Variants in FAAH2 observed in about 807,000 individuals in gnomAD.
The protein encoded by FAAH2 is fatty acid amide hydrolase 2, also known as fatty-acid amide hydrolase 2.
Under a neutral mutation model 36.9 loss-of-function variants are expected in FAAH2, and 60 were observed. The ratio of observed to expected loss-of-function variants is 1.63; its 90% CI spans 1.32 to 2.02. The LOEUF is 2.02. FAAH2 is among the 30% of genes most tolerant of loss of function. FAAH2 has a pLI of 0.00. For synonymous variants in FAAH2, 214 were observed against 143.8 expected (o/e 1.49, Z -3.49); for missense variants, 689 against 397.5 (o/e 1.73, Z -6.23).
the FAAH2 span, among the ~76,000 whole-genome samples, chrX:57,276,531 A>G: frequency 9.0e-6 from 1 of 111,578 alleles, no homozygotes; most frequent in Non-Finnish European, 1.9e-5. Flanking sequence ...AGCAAGAGCA[A>G]ACAAATTCAA....
chrX:57,283,109 GA>G (rs2051768939), upstream of FAAH2, among the ~76,000 whole-genome samples: 1 of 112,465 alleles, frequency 8.9e-6, no homozygotes, highest in Non-Finnish European at 1.9e-5. Flanking sequence ...CTGGGGATGG[GA>G]AGGGGATTGC....
At chrX:57,321,077 T>C (rs1212102706) in intron 3 of FAAH2, among the ~76,000 whole-genome samples, 1 of 109,947 alleles carries the variant, frequency 9.1e-6, no homozygotes, top group Non-Finnish European at 1.9e-5. Flanking sequence ...GAGGCGGAGT[T>C]TGCAGTGAGC....
intron 7 of FAAH2, among the ~76,000 whole-genome samples, chrX:57,408,345 A>T (rs138848280): frequency 9.0e-6 from 1 of 110,764 alleles, no homozygotes; most frequent in African/African-American, 3.3e-5. Flanking sequence ...AATGTTATAT[A>T]GTTATTAATG....
chrX:57,270,787 T>A, the FAAH2 span, among the ~76,000 whole-genome samples: 1 of 111,352 alleles, frequency 9.0e-6, no homozygotes, highest in Admixed American at 9.6e-5. Flanking sequence ...CCTGAGGAAC[T>A]CCAGCACAGA....
chrX:57,342,223 A>T (rs1168687077), intron 5 of FAAH2, among the ~76,000 whole-genome samples: 2 of 111,728 alleles, frequency 1.8e-5, no homozygotes, highest in Non-Finnish European at 3.8e-5. Flanking sequence ...TTGCAGGGAC[A>T]TAGATGGAAC....
At chrX:57,160,159 G>A in the FAAH2 span, among the ~76,000 whole-genome samples, 1 of 111,747 alleles carries the variant, frequency 8.9e-6, no homozygotes, top group South Asian at 3.8e-4. Flanking sequence ...TTTGTATGTT[G>A]AACCACCCTT....
the FAAH2 span, among the ~76,000 whole-genome samples, chrX:57,235,755 T>A: frequency 8.9e-6 from 1 of 112,560 alleles, no homozygotes; most frequent in Non-Finnish European, 1.9e-5. Context: ...TGCAATACAG[T>A]GTGATGTTTC....
At chrX:57,270,933 CT>C in the FAAH2 span, among the ~76,000 whole-genome samples, 2 of 111,947 alleles carry the variant, frequency 1.8e-5, no homozygotes, top group Non-Finnish European at 3.8e-5. Flanking sequence ...TGCAGGAGCT[CT>C]TTTTTTCCCA....
chrX:57,381,433 A>G (rs1291266227), intron 7 of FAAH2: 8 of 286,740 alleles, frequency 2.8e-5, no homozygotes, highest in Middle Eastern at 2.0e-3. Context: ...ATAATAGCAC[A>G]AATTTGTCTT....
At chrX:57,258,074 C>T in the FAAH2 span, among the ~76,000 whole-genome samples, 1 of 111,610 alleles carries the variant, frequency 9.0e-6, no homozygotes, top group Non-Finnish European at 1.9e-5. Context: ...ATCAAAACAG[C>T]ATGGTACTGG....
At chrX:57,265,123 C>A in the FAAH2 span, among the ~76,000 whole-genome samples, 39 of 111,118 alleles carry the variant, frequency 3.5e-4, no homozygotes, top group Non-Finnish European at 5.5e-4. Context: ...CAGGTGGTCC[C>A]CTTGTGAACC....
At chrX:57,365,670 C>G (rs1442597524) in intron 5 of FAAH2, among the ~76,000 whole-genome samples, 5 of 111,980 alleles carry the variant, frequency 4.5e-5, no homozygotes, top group African/African-American at 1.6e-4. Flanking sequence ...TGCTTGCTCT[C>G]TCTGTCTCTT....
At position 57,341,362 on chromosome X, in the gene FAAH2, TG is replaced by T. The variant is rs765952886; in HGVS notation, c.716del (p.Gly239ValfsTer45). ...GCATTCGAATGCCTGCTTTCTTCAA[TG>T]GTATATTTGGACACAAGCCTTCTCC... is the stretch of plus-strand genomic sequence containing the variant. ...GSIRMPAFFN[G>X]IFGHKPSPGV... On this transcript the variant is annotated frameshift_variant, in exon 5 of 11. Transcript: ENST00000374900. LOFTEE classifies it high-confidence loss of function. 5.8e-6 allele frequency: 7 copies of T among 1,208,653 alleles called. No individual in the cohort carries two copies. The East Asian group carries it at 2.1e-4, about 36-fold the overall frequency.
intron 7 of FAAH2, among the ~76,000 whole-genome samples, chrX:57,387,933 G>T (rs1180620239): frequency 1.8e-5 from 2 of 111,133 alleles, no homozygotes; most frequent in African/African-American, 6.5e-5. Context: ...GGTGGGGTAA[G>T]GATGTGTGCC....
the FAAH2 span, among the ~76,000 whole-genome samples, chrX:57,128,626 A>G: frequency 2.7e-5 from 3 of 111,849 alleles, no homozygotes; most frequent in Admixed American, 9.5e-5. Context: ...AAAAAATAAA[A>G]CAATAGGAAA....
intron 2 of FAAH2, among the ~76,000 whole-genome samples, chrX:57,299,308 A>G (rs1197935398): frequency 8.9e-6 from 1 of 112,321 alleles, no homozygotes; most frequent in East Asian, 2.8e-4. Context: ...AACATCGGAA[A>G]ACGAATAAAG....
chrX:57,472,901 G>C (rs1040742823), intron 10 of FAAH2, among the ~76,000 whole-genome samples: 2 of 111,008 alleles, frequency 1.8e-5, no homozygotes, highest in African/African-American at 6.5e-5. Context: ...GTGCTTATTT[G>C]AATCTTCTCT....
At chrX:57,375,008 A>G (rs886411423) in intron 5 of FAAH2, among the ~76,000 whole-genome samples, 1 of 111,231 alleles carries the variant, frequency 9.0e-6, no homozygotes, top group African/African-American at 3.3e-5. Context: ...GGTGTATTCC[A>G]TTTAATGACA....
chrX:57,379,813 A>AT (rs34967842), intron 6 of FAAH2, among the ~76,000 whole-genome samples: 56,447 of 101,483 alleles, frequency 0.56, 13,932 homozygotes, highest in Non-Finnish European at 0.74. Flanking sequence ...AAGTCCCTGA[A>AT]TTTTTTTTTT....
Sources: gnomAD v4.1 joint callset for allele counts (sites outside exome capture counted in the v4.1 genomes callset) on GRCh38, gnomAD v4.1.1 for gene constraint, MANE v1.5 for transcripts, NCBI Gene and HGNC (gene_info 2026-07-23, HGNC 2026-07-21) for gene names.